Variants in MGST2 observed in about 807,000 individuals in gnomAD.
MGST2 encodes glutathione peroxidase MGST2.
MGST2 carries 9 observed loss-of-function variants against 16.6 expected under a neutral mutation model. The ratio of observed to expected loss-of-function variants is 0.54; its 90% confidence interval spans 0.33 to 0.95. The LOEUF (loss-of-function observed/expected upper bound fraction) is 0.95, where lower values mean the gene tolerates loss of function less well. Ranked by LOEUF, MGST2 falls within the 40% of genes least tolerant of loss-of-function variation. MGST2 has a pLI of 0.03. For missense variants in MGST2, 159 were observed against 175.1 expected (o/e 0.91, Z 0.52); for synonymous variants, 79 against 68.0 (o/e 1.16, Z -0.79).
chr4:139,729,170 A>AAG (rs1302483891), intron 5 of MGST2, among the ~76,000 whole-genome samples: 7 of 149,858 alleles, frequency 4.7e-5, no homozygotes, highest in African/African-American at 1.8e-4. Context: ...AAAAAAAAAA[A>AAG]AAAAAAAAAG....
chr4:139,731,697 T>C (rs1462484642), intron 5 of MGST2, among the ~76,000 whole-genome samples: 1 of 152,162 alleles, frequency 6.6e-6, no homozygotes, highest in Non-Finnish European at 1.5e-5. Flanking sequence ...TCTATAATTA[T>C]ATGTCAGCCA....
At chr4:139,700,890 T>A (rs1341240300) in intron 3 of MGST2, among the ~76,000 whole-genome samples, 1 of 152,234 alleles carries the variant, frequency 6.6e-6, no homozygotes, top group Non-Finnish European at 1.5e-5. Context: ...TATACTTGAT[T>A]GCCAAGATTT....
At chr4:139,740,542 T>C (rs972455187) in exon 6 of MGST2, 5 of 152,090 alleles carry the variant, frequency 3.3e-5, no homozygotes, top group Non-Finnish European at 7.3e-5. Flanking sequence ...GAGATTTTTT[T>C]CCCCCTCCTG....
chr4:139,677,571 G>A (rs901252481), intron 1 of MGST2, among the ~76,000 whole-genome samples: 9 of 150,872 alleles, frequency 6.0e-5, no homozygotes, highest in African/African-American at 2.2e-4. Context: ...GCATGATCTC[G>A]GCTCACTGCA....
chr4:139,744,270 G>A (rs896636260), downstream of MGST2, among the ~76,000 whole-genome samples: 9 of 152,206 alleles, frequency 5.9e-5, no homozygotes, highest in African/African-American at 9.6e-5. Context: ...TTCAAGCTGT[G>A]CAGCATTGCA....
rs548185030 is a variant in MGST2 at position 139,680,256 on chromosome 4, T to C, written c.158+1614T>C. 3.2e-4 allele frequency among the ~76,000 whole-genome samples: 49 copies of C among 152,184 alleles called. 1 individual carries two copies. The highest frequency in any genetic ancestry group is 1.9e-3 in the Admixed American group (29 of 15,268). ...ATAATTATTGTGATTAAGAAAATAA[T>C]GTTGAAAGCAGGGCCTTATAGTATA... On this transcript the variant is annotated intron_variant, in intron 2 of 4. Transcript: ENST00000265498.
intron 5 of MGST2, among the ~76,000 whole-genome samples, chr4:139,724,900 A>G (rs1210482521): frequency 6.6e-6 from 1 of 151,850 alleles, no homozygotes; most frequent in East Asian, 1.9e-4. Flanking sequence ...CTGAGATTAC[A>G]GGTATGCATC....
At position 139,713,533 on chromosome 4, in the gene MGST2, C is replaced by A. The variant is rs575845623; in HGVS notation, c.*48+9337C>A. Among the ~76,000 whole-genome samples the A allele has an allele frequency of 4.9e-5, 7 of 142,988 alleles. No homozygotes were observed. In the East Asian group the frequency reaches 1.0e-3, roughly 21 times the overall value. The allele number at this position is 142,988 out of a possible 152,430, so 93.8% of individuals were successfully genotyped here. On this transcript the variant is annotated intron_variant, in intron 5 of 5. Coordinates refer to the MGST2 transcript ENST00000616265. Reference sequence around the variant, plus strand: ...AATTCAGTTGACTGAGAAGAAAAAACCTTTTTCCAGAAAAACAAGTTCCAA... The same window carrying A: ...AATTCAGTTGACTGAGAAGAAAAAAACTTTTTCCAGAAAAACAAGTTCCAA...
exon 6 of MGST2, chr4:139,740,470 C>G (rs1180848750): frequency 6.6e-6 from 1 of 152,098 alleles, no homozygotes; most frequent in Non-Finnish European, 1.5e-5. Flanking sequence ...TGTTTGCTAC[C>G]TTTCTTTCCT....
downstream of MGST2, among the ~76,000 whole-genome samples, chr4:139,741,459 A>G (rs1729162217): frequency 6.6e-6 from 1 of 152,204 alleles, no homozygotes; most frequent in African/African-American, 2.4e-5. Flanking sequence ...ACAGCTTTAA[A>G]TTGTGCCCTG....
At chr4:139,700,942 ACT>A (rs1358877915) in intron 3 of MGST2, among the ~76,000 whole-genome samples, 1 of 152,032 alleles carries the variant, frequency 6.6e-6, no homozygotes, top group Non-Finnish European at 1.5e-5. Flanking sequence ...CAACCCCATC[ACT>A]CTCTTTCTTT....
intron 2 of MGST2, among the ~76,000 whole-genome samples, chr4:139,679,663 T>C (rs1002628534): frequency 2.0e-5 from 3 of 152,208 alleles, no homozygotes; most frequent in Admixed American, 2.0e-4. Flanking sequence ...GGTCTCTTGA[T>C]TATCCACTTG....
intron 2 of MGST2, among the ~76,000 whole-genome samples, chr4:139,682,798 G>A (rs947752036): frequency 7.2e-5 from 11 of 151,780 alleles, no homozygotes; most frequent in African/African-American, 2.7e-4. Context: ...TTGTCACATG[G>A]CCAGGAAAGA....
At chr4:139,748,752 G>T in the MGST2 span, among the ~76,000 whole-genome samples, 1 of 103,344 alleles carries the variant, frequency 9.7e-6, no homozygotes, top group Non-Finnish European at 1.9e-5. Flanking sequence ...TTGGAAAGTT[G>T]AGCAATTTCA....
At chr4:139,706,567 T>A (rs1727525644), downstream of MGST2, among the ~76,000 whole-genome samples, 1 of 152,204 alleles carries the variant, frequency 6.6e-6, no homozygotes, top group Admixed American at 6.6e-5. Context: ...CATAATTACT[T>A]CATAACCATG....
At chr4:139,682,478 C>G (rs894972029) in intron 2 of MGST2, among the ~76,000 whole-genome samples, 1 of 152,072 alleles carries the variant, frequency 6.6e-6, no homozygotes, top group Non-Finnish European at 1.5e-5. Context: ...TAGGGGGCTG[C>G]AGGGAGCCTG....
intron 1 of MGST2, among the ~76,000 whole-genome samples, chr4:139,671,949 C>T (rs1730715209): frequency 6.6e-6 from 1 of 152,084 alleles, no homozygotes; most frequent in Non-Finnish European, 1.5e-5. Flanking sequence ...GCCCCACTCT[C>T]ATCATATTAT....
At chr4:139,746,609 G>T in the MGST2 span, among the ~76,000 whole-genome samples, 1 of 152,110 alleles carries the variant, frequency 6.6e-6, no homozygotes, top group South Asian at 2.1e-4. Context: ...CTCTCGCTCT[G>T]CGGGCCCCTC....
chr4:139,741,925 C>T (rs1005389467), downstream of MGST2, among the ~76,000 whole-genome samples: 3 of 152,146 alleles, frequency 2.0e-5, no homozygotes, highest in Non-Finnish European at 2.9e-5. Flanking sequence ...TGTAAATATA[C>T]CTGGGCACTC....
Sources: gnomAD v4.1 joint callset for allele counts (sites outside exome capture counted in the v4.1 genomes callset) on GRCh38, gnomAD v4.1.1 for gene constraint, MANE v1.5 for transcripts, NCBI Gene and HGNC (gene_info 2026-07-23, HGNC 2026-07-21) for gene names.